SPTAN1: variants seen among roughly 807,000 people sequenced by gnomAD.
The protein encoded by SPTAN1 is spectrin alpha chain, non-erythrocytic 1.
A neutral mutation model predicts 331.3 loss-of-function variants in SPTAN1; 61 were observed. That is an observed-to-expected ratio of 0.18 (90% confidence interval 0.15 to 0.23). The LOEUF is 0.23. Ranked by LOEUF, SPTAN1 falls within the 10% of genes least tolerant of loss-of-function variation. SPTAN1 has a pLI of 1.00. For missense variants in SPTAN1, 2,043 were observed against 3,147.9 expected (o/e 0.65, Z 8.40); for synonymous variants, 1,153 against 1,173.9 (o/e 0.98, Z 0.36).
rs367678277 is a variant in SPTAN1, at chr9:128,593,057, A to T, written c.3215+15A>T. 10 of 1,605,616 alleles carry T rather than the reference A, an allele frequency of 6.2e-6. No individual in the cohort carries two copies. Among genetic ancestry groups the T allele is most frequent in the Middle Eastern group, 1.7e-4 (1 of 5,854 alleles). The stretch of plus-strand genomic sequence containing the variant: ...GTGGAAGAACTGTGAGTAGGCTGAG[A>T]GTCTTGCAGAGCACCAATGTCCACT... On this transcript the variant is annotated intron_variant, in intron 23 of 56. Transcript: ENST00000372739.
chr9:128,598,495 G>T lies in SPTAN1; in HGVS notation c.3510G>T (p.Val1170=), dbSNP rs935038001. The T allele has an allele frequency of 6.2e-7, 1 of 1,606,938 alleles. No individual in the cohort carries two copies. Among genetic ancestry groups the T allele is most frequent in the South Asian group, 1.1e-5 (1 of 89,506 alleles). The part of the protein sequence containing the change: ...EGLMAEEVQA[V]QQQEVYGMMP... Reference sequence around the variant, plus strand: ...TCATGGCAGAGGAGGTGCAGGCTGTGCAACAACAGGTAGGTGTCTCCATCT... The same window carrying T: ...TCATGGCAGAGGAGGTGCAGGCTGTTCAACAACAGGTAGGTGTCTCCATCT... The change falls in exon 25 of 57, where the codon GTG becomes GTT. Residue 1170 remains valine, a synonymous_variant. Coordinates refer to ENST00000372739, the MANE Select transcript of SPTAN1 (RefSeq NM_001130438.3).
chr9:128,577,995 G>C lies in SPTAN1; in HGVS notation c.1086-115G>C. 7.9e-7 allele frequency: 1 copy of C among 1,263,196 alleles called. No homozygotes were observed. Among genetic ancestry groups the C allele is most frequent in the Non-Finnish European group, 1.2e-6 (1 of 869,482 alleles). The allele number at this position is 1,263,196 out of a possible 1,614,324, so 78.2% of individuals were successfully genotyped here. On this transcript the variant is annotated intron_variant, in intron 8 of 56. Transcript: ENST00000372739. This position sits in a 1 kb window ranked among gnomAD's most constrained non-coding sequence, Gnocchi z 4.2. Reference sequence around the variant, plus strand: ...GAAATTTTCATATTTCCCAGAATTAGAATTTATATAGTTTGTTAGACATTT... The same window carrying C: ...GAAATTTTCATATTTCCCAGAATTACAATTTATATAGTTTGTTAGACATTT...
intron 20 of SPTAN1, among the ~76,000 whole-genome samples, chr9:128,588,538 C>T (rs1261577859): frequency 1.3e-5 from 2 of 151,682 alleles, no homozygotes; most frequent in African/African-American, 4.8e-5. Flanking sequence ...CTCGAACCCC[C>T]GACCTCAGGT....
Position 128,627,159 on chromosome 9 carries a change from C to CA in SPTAN1, c.6577-226dup, listed in dbSNP as rs1858885720. 1.6e-6 allele frequency: 1 copy of CA among 629,930 alleles called. No individual in the cohort carries two copies. Among genetic ancestry groups the CA allele is most frequent in the Non-Finnish European group, 2.9e-6 (1 of 341,642 alleles). 39.0% of individuals were successfully genotyped at this position (629,930 alleles called of 1,614,324 possible). A position where few individuals can be genotyped will look rare whatever the true frequency, so the allele number is the denominator to read the frequency against. ...TCCAGCAACTCCCTGCTTGACTGACCAGTCGCTTCCCTCCAGGTCCGCCTC... is the reference window on the plus strand; with the variant it reads ...TCCAGCAACTCCCTGCTTGACTGACCAAGTCGCTTCCCTCCAGGTCCGCCTC... On this transcript the variant is annotated intron_variant, in intron 49 of 56. Transcript: ENST00000372739. The surrounding 1 kb of genome is among the most constrained non-coding windows in gnomAD (Gnocchi z 4.9).
At position 128,629,108 on chromosome 9, in the gene SPTAN1, T is replaced by A; in HGVS notation, c.6707+1166T>A. 1 of 398,758 alleles carries A rather than the reference T, an allele frequency of 2.5e-6. No individual in the cohort carries two copies. Among genetic ancestry groups the A allele is most frequent in the Non-Finnish European group, 4.4e-6 (1 of 226,176 alleles). The allele number at this position is 398,758 out of a possible 1,614,324, so 24.7% of individuals were successfully genotyped here. On this transcript the variant is annotated intron_variant, in intron 51 of 56. Coordinates refer to ENST00000372739, the MANE Select transcript of SPTAN1 (RefSeq NM_001130438.3). This position sits in a 1 kb window ranked among gnomAD's most constrained non-coding sequence, Gnocchi z 4.9. Reference sequence around the variant, plus strand: ...CCTCCCTTTGGTGTATTCATTTGGTTTCTTTTCTTTGAATAGCATAGCATA... The same window carrying A: ...CCTCCCTTTGGTGTATTCATTTGGTATCTTTTCTTTGAATAGCATAGCATA...
At chr9:128,558,489 T>A (rs1314334317) in intron 1 of SPTAN1, among the ~76,000 whole-genome samples, 2 of 152,264 alleles carry the variant, frequency 1.3e-5, no homozygotes, top group Non-Finnish European at 2.9e-5. Context: ...TCAGAGACAG[T>A]TGGCTCCTTT....
rs1344858192 is a variant in SPTAN1, at chr9:128,632,932, G to A, written c.7285G>A (p.Val2429Met). The A allele has an allele frequency of 5.0e-6, 8 of 1,613,116 alleles. No homozygotes were observed. The highest frequency in any genetic ancestry group is 2.2e-5 in the South Asian group (2 of 91,084). Residue 2429 changes from valine (V) to methionine (M), a missense_variant, in exon 56 of 57, where the codon GTG (valine) becomes ATG (methionine). Physicochemically the swap from Val to Met is conservative, Grantham distance 21. Around this residue, in one of 12 missense-constraint regions of SPTAN1, gnomAD observed 88 missense variants for 96.5 expected, o/e 0.91. Coordinates refer to ENST00000372739, the MANE Select transcript of SPTAN1 (RefSeq NM_001130438.3). ...RALSSEGKPY[V>M]TKEELYQNLT... ...CCTCAGCTCAGAGGGAAAGCCTTAC[G>A]TGACCAAGGAGGAGCTCTACCAGGT... is the stretch of plus-strand genomic sequence containing the variant.
intron 24 of SPTAN1, among the ~76,000 whole-genome samples, chr9:128,595,450 G>A (rs541114531): frequency 4.6e-5 from 7 of 151,952 alleles, no homozygotes; most frequent in Non-Finnish European, 1.0e-4. Flanking sequence ...AAACCTTTTT[G>A]GACAAATTTA....
intron 1 of SPTAN1, among the ~76,000 whole-genome samples, chr9:128,558,953 G>C (rs1848972645): frequency 6.6e-6 from 1 of 152,192 alleles, no homozygotes; most frequent in Non-Finnish European, 1.5e-5. Flanking sequence ...AACTCGTGTA[G>C]ATAAACAAGA....
chr9:128,562,761 G>A (rs1396299904), intron 1 of SPTAN1, among the ~76,000 whole-genome samples: 5 of 151,836 alleles, frequency 3.3e-5, no homozygotes, highest in Middle Eastern at 3.4e-3. Flanking sequence ...TCAGGAGATC[G>A]AGACCATCCT....
At position 128,625,889 on chromosome 9, in the gene SPTAN1, G is replaced by T. The variant is rs201411901; in HGVS notation, c.6190G>T (p.Ala2064Ser). The T allele has an allele frequency of 6.2e-7, 1 of 1,614,182 alleles. No individual in the cohort carries two copies. The highest frequency in any genetic ancestry group is 2.2e-5 in the East Asian group (1 of 44,870). Residue 2064 changes from alanine (A) to serine (S), a missense_variant, in exon 48 of 57, where the codon GCC becomes TCC. Transcript: ENST00000372739. The surrounding 1 kb of genome is among the most constrained non-coding windows in gnomAD (Gnocchi z 4.1). Reference sequence around the variant, plus strand: ...GTCCAAGGCCATCGAGGCCCGGCACGCCTCCCTCATGAAGAGGTGGAGCCA... The same window carrying T: ...GTCCAAGGCCATCGAGGCCCGGCACTCCTCCCTCATGAAGAGGTGGAGCCA... ...VQSKAIEARH[A>S]SLMKRWSQLL...
intron 3 of SPTAN1, among the ~76,000 whole-genome samples, chr9:128,569,754 C>G (rs1366501015): frequency 6.6e-6 from 1 of 152,000 alleles, no homozygotes; most frequent in Non-Finnish European, 1.5e-5. Context: ...CCAGCTAGAA[C>G]TGTTTTGTCT....
chr9:128,597,840 G>A (rs1854516983), intron 24 of SPTAN1, among the ~76,000 whole-genome samples: 1 of 151,798 alleles, frequency 6.6e-6, no homozygotes, highest in Admixed American at 6.6e-5. Flanking sequence ...TAGTAGAGAC[G>A]GGGTTTCACC....
chr9:128,576,636 C>T (rs1251706136), intron 5 of SPTAN1, among the ~76,000 whole-genome samples, 187 bp from the exon 6 acceptor site: 1 of 152,182 alleles, frequency 6.6e-6, no homozygotes, highest in East Asian at 1.9e-4. Flanking sequence ...ATGGCTCTCC[C>T]CTTTTTACAT....
chr9:128,591,257 G>A (rs1447864798), intron 21 of SPTAN1, among the ~76,000 whole-genome samples: 9 of 151,750 alleles, frequency 5.9e-5, no homozygotes, highest in Admixed American at 1.3e-4. Flanking sequence ...TAGTAGAGAC[G>A]GGGTTTCACT....
chr9:128,561,662 CAAAAAAAAAAAA>C lies in SPTAN1; in HGVS notation c.-3-5061_-3-5050del, dbSNP rs762156669. 9.4e-4 allele frequency among the ~76,000 whole-genome samples: 15 copies of C among 15,984 alleles called. 1 individual carries two copies. Among genetic ancestry groups the C allele is most frequent in the Admixed American group, 8.5e-3 (6 of 708 alleles). 10.5% of individuals were successfully genotyped at this position (15,984 alleles called of 152,430 possible). On this transcript the variant is annotated intron_variant, in intron 1 of 56. Transcript: ENST00000372739. ...TGGGCAACAGAGCGAGACTCCGTCTCAAAAAAAAAAAAAAAAAAAAAAAAAAGAATATGTCAA... is the reference window on the plus strand; with the variant it reads ...TGGGCAACAGAGCGAGACTCCGTCTCAAAAAAAAAAAAAAGAATATGTCAA...
intron 41 of SPTAN1, 22 bp from the exon 42 acceptor site, chr9:128,617,618 C>G: frequency 6.2e-7 from 1 of 1,613,976 alleles, no homozygotes; most frequent in Non-Finnish European, 8.5e-7. Context: ...ACTGACTGTG[C>G]TGTTTCCCAT....
At chr9:128,633,102 CT>C (rs2132113798) in intron 56 of SPTAN1, 106 bp from the exon 57 acceptor site, 1 of 1,596,834 alleles carries the variant, frequency 6.3e-7, no homozygotes, top group East Asian at 2.2e-5. Context: ...AGTCCCGGAT[CT>C]GCTTGTAGAA....
rs1589395061 is a variant in SPTAN1, at chr9:128,627,797, G to A, written c.6690-128G>A. 8.3e-7 allele frequency: 1 copy of A among 1,206,022 alleles called. No individual in the cohort carries two copies. The allele number at this position is 1,206,022 out of a possible 1,614,324, so 74.7% of individuals were successfully genotyped here. On this transcript the variant is annotated intron_variant, in intron 50 of 56. Transcript: ENST00000372739. This position sits in a 1 kb window ranked among gnomAD's most constrained non-coding sequence, Gnocchi z 4.9. The stretch of plus-strand genomic sequence containing the variant: ...CTTGGTGACAGACGATGCAGGGTCT[G>A]TGCGTTGGGTACTGATGTTCTTGCT...
Sources: gnomAD v4.1 joint callset for allele counts (sites outside exome capture counted in the v4.1 genomes callset) on GRCh38, gnomAD v4.1.1 for gene constraint, gnomAD v4.1.1 regional missense constraint, Gnocchi (gnomAD v3.1) non-coding constraint, MANE v1.5 for transcripts, NCBI Gene and HGNC (gene_info 2026-07-23, HGNC 2026-07-21) for gene names.